Variants in METRN observed in about 807,000 individuals in gnomAD.
METRN encodes meteorin.
In METRN, 17 loss-of-function variants were observed where a neutral mutation model predicts 17.4. The ratio of observed to expected loss-of-function variants is 0.98; its 90% confidence interval spans 0.67 to 1.46. The LOEUF is 1.46. METRN is among the 40% of genes most tolerant of loss of function. The pLI is 0.00. For synonymous variants in METRN, 230 were observed against 210.8 expected, an observed-to-expected ratio of 1.09 and a Z score of -0.79; for missense variants, 489 against 456.2, an observed-to-expected ratio of 1.07 and a Z score of -0.65.
At chr16:716,581 T>A (rs1245957855) in intron 2 of METRN, 4 of 1,535,076 alleles carry the variant, frequency 2.6e-6, no homozygotes, top group Non-Finnish European at 3.5e-6. Context: ...TCTTCAGACC[T>A]CAGATCCGGG....
chr16:718,171 A>G lies in METRN; in HGVS notation c.*784A>G, dbSNP rs956479386. Reference sequence around the variant, plus strand: ...AGGACCGTTTCCCGCCACTGGCCCCATTGTCACTGTCTCCGCCTTCCTCCT... The same window carrying G: ...AGGACCGTTTCCCGCCACTGGCCCCGTTGTCACTGTCTCCGCCTTCCTCCT... On this transcript the variant is annotated 3_prime_UTR_variant, in exon 4 of 4. Transcript: ENST00000568223. 6.6e-6 allele frequency: 1 copy of G among 152,274 alleles called. No individual in the cohort carries two copies. The highest frequency in any genetic ancestry group is 1.9e-4 in the East Asian group (1 of 5,196). 9.4% of individuals were successfully genotyped at this position (152,274 alleles called of 1,614,324 possible).
chr16:715,281 C>A lies in METRN; in HGVS notation c.-9C>A. On this transcript the variant is annotated 5_prime_UTR_variant, in exon 1 of 4. Coordinates refer to ENST00000568223, the MANE Select transcript of METRN (RefSeq NM_024042.4). ...GAGCCCCGACTCCCCGGACGCCGCC[C>A]GCCGTGCCATGGGGTTCCCGGCCGC... The A allele has an allele frequency of 7.6e-7, 1 of 1,311,670 alleles. No individual in the cohort carries two copies. The highest frequency in any genetic ancestry group is 1.9e-5 in the South Asian group (1 of 52,976). 81.3% of individuals were successfully genotyped at this position (1,311,670 alleles called of 1,614,324 possible).
In METRN at chr16:718,266, G is replaced by GC. The variant is rs1251207877; in HGVS notation, c.*883dup. On this transcript the variant is annotated 3_prime_UTR_variant, in exon 4 of 4. Transcript: ENST00000568223. The stretch of plus-strand genomic sequence containing the variant: ...ACAGCCCAAGGCTCCGAGGCTAAAA[G>GC]CCCCTGGGTGGGGGTGTTCCAGGAC... 6.6e-6 allele frequency: 1 copy of GC among 152,326 alleles called. No individual in the cohort carries two copies. The highest frequency in any genetic ancestry group is 1.5e-5 in the Non-Finnish European group (1 of 68,078). The allele number at this position is 152,326 out of a possible 1,614,324, so 9.4% of individuals were successfully genotyped here. A position where few individuals can be genotyped will look rare whatever the true frequency, so the allele number is the denominator to read the frequency against.
At position 715,136 on chromosome 16, in the gene METRN, G is replaced by C. The variant is rs994342975; in HGVS notation, c.-154G>C. On this transcript the variant is annotated 5_prime_UTR_variant, in exon 1 of 4. Coordinates refer to ENST00000568223, the MANE Select transcript of METRN (RefSeq NM_024042.4). ...CCGCTCCAAGGCGGCCCCGGCGCTG[G>C]GGCTGCGCGGCAGGCGGAGCGGCCG... 14 of 164,010 alleles carry C rather than the reference G, an allele frequency of 8.5e-5. No individual in the cohort carries two copies. The highest frequency in any genetic ancestry group is 2.7e-4 in the African/African-American group (11 of 41,322). 10.2% of individuals were successfully genotyped at this position (164,010 alleles called of 1,614,324 possible).
At chr16:716,858 G>A in intron 2 of METRN, 75 bp from the exon 3 acceptor site, 1 of 1,498,102 alleles carries the variant, frequency 6.7e-7, no homozygotes. Context: ...TGCCGCTTGT[G>A]CGGACAAGGG....
Position 717,122 on chromosome 16 carries a change from C to CT in METRN, c.618dup (p.Val207CysfsTer98). 1 of 1,601,672 alleles carries CT rather than the reference C, an allele frequency of 6.2e-7. No homozygotes were observed. The highest frequency in any genetic ancestry group is 8.5e-7 in the Non-Finnish European group (1 of 1,173,156). On this transcript the variant is annotated frameshift_variant, in exon 4 of 4. Transcript: ENST00000568223. LOFTEE classifies it low-confidence loss of function (END_TRUNC). Reference sequence around the variant, plus strand: ...ACCCATGACGTGGAGCTGCAGGAGTCTGTCATCACTGTGGTGGCCGCCCGT... The same window carrying CT: ...ACCCATGACGTGGAGCTGCAGGAGTCTTGTCATCACTGTGGTGGCCGCCCGT...
chr16:719,281 T>G lies in METRN; in HGVS notation c.*1894T>G, dbSNP rs2040187414. ...CCACAGGAGCACCACGGTGCCCAAA[T>G]GGGTCTTGGAGCATTAGACCAGGGG... On this transcript the variant is annotated 3_prime_UTR_variant, in exon 4 of 4. Coordinates refer to ENST00000568223, the MANE Select transcript of METRN (RefSeq NM_024042.4). The G allele has an allele frequency of 6.6e-6, 1 of 152,252 alleles. No individual in the cohort carries two copies. Among genetic ancestry groups the G allele is most frequent in the African/African-American group, 2.4e-5 (1 of 41,450 alleles). The allele number at this position is 152,252 out of a possible 1,614,324, so 9.4% of individuals were successfully genotyped here. A position where few individuals can be genotyped will look rare whatever the true frequency, so the allele number is the denominator to read the frequency against.
Position 717,681 on chromosome 16 carries a change from G to A in METRN, c.*294G>A, listed in dbSNP as rs558964445. ...CATTCCGGGGAGGGGCCGCTGCTGG[G>A]TGGGGGGCACGTGGGGACCTGCACT... On this transcript the variant is annotated 3_prime_UTR_variant, in exon 4 of 4. Coordinates refer to ENST00000568223, the MANE Select transcript of METRN (RefSeq NM_024042.4). 1.7e-5 allele frequency: 6 copies of A among 354,514 alleles called. No individual in the cohort carries two copies. The East Asian group carries it at 2.6e-4, about 15-fold the overall frequency. 22.0% of individuals were successfully genotyped at this position (354,514 alleles called of 1,614,324 possible).
Position 717,425 on chromosome 16 carries a change from G to GC in METRN, c.*38_*39insC, listed in dbSNP as rs2151527766. On this transcript the variant is annotated 3_prime_UTR_variant, in exon 4 of 4. Coordinates refer to ENST00000568223, the MANE Select transcript of METRN (RefSeq NM_024042.4). ...TGGGGAGGGGCTGGTAGGAGGGAGG[G>GC]TGGGCCCACTGCTTTGGAGGTGATG... The GC allele has an allele frequency of 1.7e-6, 2 of 1,204,850 alleles. No homozygotes were observed. The highest frequency in any genetic ancestry group is 3.4e-5 in the East Asian group (1 of 29,584). 74.6% of individuals were successfully genotyped at this position (1,204,850 alleles called of 1,614,324 possible).
intron 2 of METRN, chr16:716,666 C>A (rs902485532): frequency 4.6e-6 from 7 of 1,535,324 alleles, no homozygotes; most frequent in Middle Eastern, 3.3e-4. Flanking sequence ...GACAGCTGAT[C>A]GCTAGGCATG....
intron 2 of METRN, chr16:716,336 C>T (rs1033748520): frequency 1.4e-6 from 2 of 1,406,070 alleles, no homozygotes; most frequent in Non-Finnish European, 1.8e-6. Flanking sequence ...GCGGTGACCT[C>T]TCTCCCCTCC....
rs931517166 is a variant in METRN, at chr16:717,196, C to G, written c.691C>G (p.Gln231Glu). Reference sequence around the variant, plus strand: ...GTTCCAGGCGGGGCGATCCGGGGACCAGGGGCTGACCTCCATTCGTACCCC... The same window carrying G: ...GTTCCAGGCGGGGCGATCCGGGGACGAGGGGCTGACCTCCATTCGTACCCC... ...PLFQAGRSGD[Q>E]GLTSIRTPLR... The change falls in exon 4 of 4, where the codon CAG (glutamine) becomes GAG (glutamate). Residue 231 changes from glutamine to glutamate, a missense_variant. By Grantham distance (29) the Gln-to-Glu change is conservative. Transcript: ENST00000568223. The G allele has an allele frequency of 1.1e-5, 17 of 1,599,650 alleles. No individual in the cohort carries two copies. Among genetic ancestry groups the G allele is most frequent in the Non-Finnish European group, 1.4e-5 (17 of 1,175,396 alleles).
rs1254991888 is a variant in METRN at position 717,370 on chromosome 16, G to A, written c.865G>A (p.Glu289Lys). Residue 289 changes from glutamate to lysine, a missense_variant, in exon 4 of 4, where the codon GAG (glutamate) becomes AAG (lysine). By Grantham distance (56) the Glu-to-Lys change is moderately conservative. Coordinates refer to ENST00000568223, the MANE Select transcript of METRN (RefSeq NM_024042.4). The stretch of plus-strand genomic sequence containing the variant: ...CCGTGCTGCCCACCTCCACCCCTGC[G>A]AGGTGGCGCTGCACTGAGGGGCTGG... ...AARAAHLHPC[E>K]VALH 3 of 1,446,746 alleles carry A rather than the reference G, an allele frequency of 2.1e-6. No individual in the cohort carries two copies. Among genetic ancestry groups the A allele is most frequent in the African/African-American group, 1.4e-5 (1 of 70,874 alleles). The allele number at this position is 1,446,746 out of a possible 1,614,324, so 89.6% of individuals were successfully genotyped here.
chr16:716,632 T>C, intron 2 of METRN: 1 of 1,535,266 alleles, frequency 6.5e-7, no homozygotes, highest in African/African-American at 1.4e-5. Flanking sequence ...ATATGTCAGA[T>C]GGGAGTGCAG....
rs1031507603 is a variant in METRN, at chr16:718,351, C to A, written c.*964C>A. On this transcript the variant is annotated 3_prime_UTR_variant, in exon 4 of 4. Transcript: ENST00000568223. Reference sequence around the variant, plus strand: ...AACCCCTCGGATCCTGGGAAAGAGACAGCCATGGCTCAAGGGCCAGGGACC... The same window carrying A: ...AACCCCTCGGATCCTGGGAAAGAGAAAGCCATGGCTCAAGGGCCAGGGACC... 6.6e-6 allele frequency: 1 copy of A among 152,236 alleles called. No individual in the cohort carries two copies. The highest frequency in any genetic ancestry group is 2.4e-5 in the African/African-American group (1 of 41,462). The allele number at this position is 152,236 out of a possible 1,614,324, so 9.4% of individuals were successfully genotyped here.
rs1159209563 is a variant in METRN at position 719,049 on chromosome 16, C to G, written c.*1662C>G. 1 of 152,484 alleles carries G rather than the reference C, an allele frequency of 6.6e-6. No individual in the cohort carries two copies. The highest frequency in any genetic ancestry group is 6.5e-5 in the Admixed American group (1 of 15,294). 9.4% of individuals were successfully genotyped at this position (152,484 alleles called of 1,614,324 possible). On this transcript the variant is annotated 3_prime_UTR_variant, in exon 4 of 4. Transcript: ENST00000568223. ...CCGAGCAACCCCCTTACCTTTGGCA[C>G]TTGCCCTGATTCTCTGGCCAGCTTC...
rs2040171837 is a variant in METRN at position 717,465 on chromosome 16, A to G, written c.*78A>G. ...TGGAGGTGATGGGACTATCAATAAG[A>G]ACTCTGTTCACGCAAGCTGCTGTGG... On this transcript the variant is annotated 3_prime_UTR_variant, in exon 4 of 4. Coordinates refer to ENST00000568223, the MANE Select transcript of METRN (RefSeq NM_024042.4). The G allele has an allele frequency of 7.8e-7, 1 of 1,280,198 alleles. No homozygotes were observed. The allele number at this position is 1,280,198 out of a possible 1,614,324, so 79.3% of individuals were successfully genotyped here.
chr16:716,621 CAT>C (rs2040163802), intron 2 of METRN: 1 of 1,535,276 alleles, frequency 6.5e-7, no homozygotes, highest in Non-Finnish European at 8.7e-7. Context: ...TGCTGGGGTG[CAT>C]ATGTCAGATG....
Position 719,356 on chromosome 16 carries a change from G to C in METRN, c.*1969G>C, listed in dbSNP as rs1034711014. The C allele has an allele frequency of 2.0e-5, 3 of 152,540 alleles. No individual in the cohort carries two copies. Among genetic ancestry groups the C allele is most frequent in the East Asian group, 1.9e-4 (1 of 5,194 alleles). 9.4% of individuals were successfully genotyped at this position (152,540 alleles called of 1,614,324 possible). On this transcript the variant is annotated 3_prime_UTR_variant, in exon 4 of 4. Coordinates refer to ENST00000568223, the MANE Select transcript of METRN (RefSeq NM_024042.4). ...TGGCCAAAGTGGCATGGGAGATAGG[G>C]AGACAGTGTGGGTGAGCAGGTGGGC...
Sources: allele counts gnomAD v4.1 joint callset, GRCh38; gene constraint gnomAD v4.1.1; transcripts MANE v1.5; gene names NCBI Gene and HGNC (gene_info 2026-07-23, HGNC 2026-07-21).